PPP2R1B: variants seen among roughly 807,000 people sequenced by gnomAD.
PPP2R1B encodes the protein serine/threonine-protein phosphatase 2A 65 kDa regulatory subunit A beta isoform.
A neutral mutation model predicts 72.7 loss-of-function variants in PPP2R1B; 58 were observed. The ratio of observed to expected loss-of-function variants is 0.80; its 90% CI spans 0.65 to 0.99. PPP2R1B has a LOEUF of 0.99. Ranked by LOEUF, PPP2R1B falls within the 50% of genes least tolerant of loss-of-function variation. PPP2R1B has a pLI of 0.00. For synonymous variants in PPP2R1B, 256 were observed against 264.6 expected (o/e 0.97, Z 0.32); for missense variants, 695 against 733.6 (o/e 0.95, Z 0.61).
At chr11:111,694,058 G>A in the PPP2R1B span, among the ~76,000 whole-genome samples, 3 of 152,184 alleles carry the variant, frequency 2.0e-5, no homozygotes, top group Non-Finnish European at 4.4e-5. Context: ...ACTTAGAACA[G>A]TGCCCGGCAC....
At chr11:111,722,771 T>C, downstream of PPP2R1B, 1 of 1,610,504 alleles carries the variant, frequency 6.2e-7, no homozygotes, top group Non-Finnish European at 8.5e-7. This position sits in a 1 kb window ranked among gnomAD's most constrained non-coding sequence, Gnocchi z 4.4. Context: ...GAAGGGGACT[T>C]TGGCCAAAGA....
At chr11:111,761,341 G>A (rs1368254762) in intron 3 of PPP2R1B, 1 of 486,342 alleles carries the variant, frequency 2.1e-6, no homozygotes, top group Non-Finnish European at 3.9e-6. Context: ...ATATTACTGT[G>A]AGTTGAATCA....
intron 2 of PPP2R1B, 95 bp from the exon 3 acceptor site, chr11:111,765,000 G>A: frequency 6.5e-7 from 1 of 1,526,728 alleles, no homozygotes; most frequent in Non-Finnish European, 8.8e-7. Flanking sequence ...ATGCGACCAG[G>A]AAGGTGACCC....
At position 111,740,771 on chromosome 11, in the gene PPP2R1B, CT is replaced by C; in HGVS notation, c.*824del. The C allele has an allele frequency of 1.0e-6, 1 of 985,434 alleles. No homozygotes were observed. The highest frequency in any genetic ancestry group is 1.2e-6 in the Non-Finnish European group (1 of 829,924). 61.0% of individuals were successfully genotyped at this position (985,434 alleles called of 1,614,324 possible). ...ACAGGAAATCTGCACAGTATTATCC[CT>C]GTGGTTCTTAGACTCATTCGAAATA... On this transcript the variant is annotated 3_prime_UTR_variant, in exon 15 of 15. Coordinates refer to ENST00000527614, the MANE Select transcript of PPP2R1B (RefSeq NM_002716.5).
At chr11:111,714,420 G>C in the PPP2R1B span, among the ~76,000 whole-genome samples, 1 of 152,218 alleles carries the variant, frequency 6.6e-6, no homozygotes, top group South Asian at 2.1e-4. Flanking sequence ...GAGCAAGGAA[G>C]CTCTGGGATC....
the PPP2R1B span, chr11:111,688,242 A>G: frequency 7.8e-6 from 11 of 1,410,746 alleles, no homozygotes; most frequent in Non-Finnish European, 1.1e-5. This position sits in a 1 kb window ranked among gnomAD's most constrained non-coding sequence, Gnocchi z 4.2. Context: ...CTGCAGGCGC[A>G]GATTCAGCAG....
At position 111,745,502 on chromosome 11, in the gene PPP2R1B, A is replaced by T. The variant is rs188079132; in HGVS notation, c.1400-1972T>A. On this transcript the variant is annotated intron_variant, in intron 11 of 14. Coordinates refer to ENST00000527614, the MANE Select transcript of PPP2R1B (RefSeq NM_002716.5). Reference sequence around the variant, plus strand: ...ACTGCACTGAACTCTACTTGGCCAGATGCCTACTATGTTCTTGGTTCCTCT... The same window carrying T: ...ACTGCACTGAACTCTACTTGGCCAGTTGCCTACTATGTTCTTGGTTCCTCT... Among the ~76,000 whole-genome samples the T allele has an allele frequency of 2.0e-5, 3 of 152,316 alleles. No homozygotes were observed. The East Asian group carries it at 5.8e-4, about 29-fold the overall frequency.
chr11:111,737,355 C>T (rs575605735), downstream of PPP2R1B: 34 of 1,577,794 alleles, frequency 2.2e-5, no homozygotes, highest in Admixed American at 3.2e-4. Context: ...GCTGCTTCTC[C>T]GCCTACCCTG....
At chr11:111,698,643 G>T in the PPP2R1B span, among the ~76,000 whole-genome samples, 773 of 152,284 alleles carry the variant, frequency 5.1e-3, 8 homozygotes, top group African/African-American at 0.017. Context: ...GTTGAGGTGC[G>T]AGGACTGCAG....
chr11:111,720,853 G>A, the PPP2R1B span: 8 of 1,600,540 alleles, frequency 5.0e-6, no homozygotes, highest in South Asian at 1.1e-5. Flanking sequence ...TCACTGAAAG[G>A]CCTTGTATTT....
chr11:111,754,356 T>C (rs943886986), intron 8 of PPP2R1B, 143 bp downstream of exon 8: 1 of 1,152,698 alleles, frequency 8.7e-7, no homozygotes, highest in East Asian at 2.8e-5. Flanking sequence ...AATAACAATG[T>C]TGCACATTAA....
rs1944988178 is a variant in PPP2R1B at position 111,753,475 on chromosome 11, G to C, written c.1132C>G (p.Leu378Val). 6.2e-7 allele frequency: 1 copy of C among 1,613,820 alleles called. No homozygotes were observed. The highest frequency in any genetic ancestry group is 1.1e-5 in the South Asian group (1 of 90,986). ...TTTAACTGAGCTAAGAAAAGAGGTA[G>C]AAGATGTTCAATGGTATTTTCTTTG... Reference protein sequence around the residue: ...LGKENTIEHLLPLFLAQLKDE... With the variant: ...LGKENTIEHLVPLFLAQLKDE... Residue 378 changes from leucine to valine, a missense_variant, in exon 9 of 15, where the codon CTA becomes GTA. Coordinates refer to ENST00000527614, the MANE Select transcript of PPP2R1B (RefSeq NM_002716.5).
chr11:111,689,913 A>G, the PPP2R1B span, among the ~76,000 whole-genome samples: 1 of 151,414 alleles, frequency 6.6e-6, no homozygotes, highest in Non-Finnish European at 1.5e-5. Flanking sequence ...TTTTTTTCTA[A>G]TGGGATTGCC....
chr11:111,764,523 G>A (rs76919285), intron 3 of PPP2R1B, among the ~76,000 whole-genome samples: 144 of 152,134 alleles, frequency 9.5e-4, no homozygotes, highest in East Asian at 3.5e-3. Flanking sequence ...ACCATCGCGC[G>A]GGGGAACCAT....
chr11:111,712,990 CT>C, the PPP2R1B span, among the ~76,000 whole-genome samples: 1 of 152,280 alleles, frequency 6.6e-6, no homozygotes, highest in Admixed American at 6.5e-5. Context: ...CATGGTGAAA[CT>C]CCATCTCTAC....
At chr11:111,704,654 G>A in the PPP2R1B span, among the ~76,000 whole-genome samples, 4 of 152,200 alleles carry the variant, frequency 2.6e-5, no homozygotes, top group Non-Finnish European at 1.5e-5. Context: ...CACCGTTACA[G>A]CTATGAGATG....
chr11:111,760,097 T>C (rs1555050844), intron 4 of PPP2R1B, 146 bp from the exon 5 acceptor site: 4 of 934,074 alleles, frequency 4.3e-6, no homozygotes, highest in Non-Finnish European at 6.2e-6. Context: ...AAATAAAACA[T>C]ATTCAACTGG....
intron 5 of PPP2R1B, among the ~76,000 whole-genome samples, chr11:111,757,681 A>G (rs141989412): frequency 6.6e-6 from 1 of 152,100 alleles, no homozygotes; most frequent in African/African-American, 2.4e-5. Context: ...TGAAAATACA[A>G]AAAATTAGCC....
At chr11:111,760,029 T>C in intron 4 of PPP2R1B, 78 bp from the exon 5 acceptor site, 1 of 1,421,850 alleles carries the variant, frequency 7.0e-7, no homozygotes. Flanking sequence ...CAGACAGACT[T>C]TTAGAGGTTT....
Sources: allele counts gnomAD v4.1 joint callset (sites outside exome capture counted in the v4.1 genomes callset), GRCh38; gene constraint gnomAD v4.1.1; non-coding constraint Gnocchi (gnomAD v3.1); transcripts MANE v1.5; gene names NCBI Gene and HGNC (gene_info 2026-07-23, HGNC 2026-07-21).